Variants in POLR3H observed in about 807,000 individuals in gnomAD.
The protein encoded by POLR3H is RNA polymerase III subunit H, also known as DNA-directed RNA polymerase III subunit RPC8.
In POLR3H, 17 loss-of-function variants were observed where a neutral mutation model predicts 25.5. That is an observed-to-expected ratio of 0.67 (90% CI 0.46 to 1.00). The LOEUF (loss-of-function observed/expected upper bound fraction) is 1.00, where lower values mean the gene tolerates loss of function less well. Among genes scored for constraint, POLR3H ranks in the 50% least tolerant of loss-of-function variants. The pLI is 0.00. For synonymous variants in POLR3H, 129 were observed against 103.0 expected (o/e 1.25, Z -1.53); for missense variants, 274 against 265.0 (o/e 1.03, Z -0.24).
At position 41,528,953 on chromosome 22, in the gene POLR3H, G is replaced by A. The variant is rs1156802530; in HGVS notation, c.*330C>T. On this transcript the variant is annotated 3_prime_UTR_variant, in exon 6 of 6. Coordinates refer to ENST00000355209, the MANE Select transcript of POLR3H (RefSeq NM_001018050.4). ...TCTAGAGAACCTTTTGTTCTTGCAAGGAAAACAAGAATCCAAAACCAGTGA... is the reference window on the plus strand; with the variant it reads ...TCTAGAGAACCTTTTGTTCTTGCAAAGAAAACAAGAATCCAAAACCAGTGA... 7.8e-6 allele frequency: 4 copies of A among 513,034 alleles called. No homozygotes were observed. The highest frequency in any genetic ancestry group is 1.0e-5 in the Non-Finnish European group (3 of 290,600). 31.8% of individuals were successfully genotyped at this position (513,034 alleles called of 1,614,324 possible).
At chr22:41,537,905 C>A (rs1395903965) in intron 2 of POLR3H, among the ~76,000 whole-genome samples, 1 of 151,934 alleles carries the variant, frequency 6.6e-6, no homozygotes, top group African/African-American at 2.4e-5. Flanking sequence ...ATTCTCCTGC[C>A]TCCACCTCCA....
Position 41,532,664 on chromosome 22 carries a change from A to T in POLR3H, c.290T>A (p.Val97Glu), listed in dbSNP as rs2066761239. The T allele has an allele frequency of 6.2e-7, 1 of 1,613,712 alleles. No individual in the cohort carries two copies. The highest frequency in any genetic ancestry group is 1.1e-5 in the South Asian group (1 of 91,048). Residue 97 changes from valine to glutamate, a missense_variant, in exon 3 of 6, where the codon GTG becomes GAG. Physicochemically the swap from Val to Glu is moderately radical, Grantham distance 121. Transcript: ENST00000355209. ...GKIKGCSPEG[V>E]HVSLGFFDDI... ...GGCGTCAGGGCCACTGTTACCGTGCACTCCTTCTGGGCTGCAGCCTTTGAT... is the reference window on the plus strand; with the variant it reads ...GGCGTCAGGGCCACTGTTACCGTGCTCTCCTTCTGGGCTGCAGCCTTTGAT...
At position 41,526,778 on chromosome 22, in the gene POLR3H, C is replaced by T. The variant is rs1459202707; in HGVS notation, c.*2505G>A. 1.2e-5 allele frequency: 4 copies of T among 346,528 alleles called. No individual in the cohort carries two copies. Among genetic ancestry groups the T allele is most frequent in the Non-Finnish European group, 2.1e-5 (4 of 188,506 alleles). 21.5% of individuals were successfully genotyped at this position (346,528 alleles called of 1,614,324 possible). A position where few individuals can be genotyped will look rare whatever the true frequency, so the allele number is the denominator to read the frequency against. ...AGCTCAGAGAGGGGGCTACACGGGGCCTCACAGTGAGCAGGCAGAGAGGGT... is the reference window on the plus strand; with the variant it reads ...AGCTCAGAGAGGGGGCTACACGGGGTCTCACAGTGAGCAGGCAGAGAGGGT... On this transcript the variant is annotated 3_prime_UTR_variant, in exon 6 of 6. Transcript: ENST00000355209.
At chr22:41,535,883 T>C (rs1036691623) in intron 2 of POLR3H, among the ~76,000 whole-genome samples, 4 of 151,596 alleles carry the variant, frequency 2.6e-5, no homozygotes, top group East Asian at 3.9e-4. Context: ...TGAGGCAGAA[T>C]TGCTTGAACC....
In POLR3H at chr22:41,526,485, G is replaced by A; in HGVS notation, c.*2798C>T. 5 of 1,571,640 alleles carry A rather than the reference G, an allele frequency of 3.2e-6. No individual in the cohort carries two copies. Among genetic ancestry groups the A allele is most frequent in the Non-Finnish European group, 4.3e-6 (5 of 1,150,314 alleles). ...CAGAGTTGATAGGGGCAATGCCAGT[G>A]GTCACTCCTGAAGGGGCCTGCAAGG... is the stretch of plus-strand genomic sequence containing the variant. On this transcript the variant is annotated 3_prime_UTR_variant, in exon 6 of 6. Transcript: ENST00000355209.
Position 41,544,377 on chromosome 22 carries a change from GCCACTCCACGCCC to G in POLR3H, c.-289_-277del, listed in dbSNP as rs2066986969. The G allele has an allele frequency of 9.4e-6, 3 of 317,724 alleles. No homozygotes were observed. The highest frequency in any genetic ancestry group is 1.7e-5 in the Non-Finnish European group (3 of 176,432). 19.7% of individuals were successfully genotyped at this position (317,724 alleles called of 1,614,324 possible). ...GCCACGCCACGCCACTCCACGCCAC[GCCACTCCACGCCC>G]CGCACCCGCGCCACGTGCCGCCGCT... On this transcript the variant is annotated 5_prime_UTR_variant, in exon 1 of 6. Coordinates refer to ENST00000355209, the MANE Select transcript of POLR3H (RefSeq NM_001018050.4).
chr22:41,529,192 C>G lies in POLR3H; in HGVS notation c.*91G>C. On this transcript the variant is annotated 3_prime_UTR_variant, in exon 6 of 6. Coordinates refer to ENST00000355209, the MANE Select transcript of POLR3H (RefSeq NM_001018050.4). ...CTCACTGTCCAGCTCGAGACACTAT[C>G]TCCTTAGCATCGGCCTCAGCTGCTG... 8.6e-7 allele frequency: 1 copy of G among 1,161,056 alleles called. No individual in the cohort carries two copies. The highest frequency in any genetic ancestry group is 1.2e-6 in the Non-Finnish European group (1 of 807,656). 71.9% of individuals were successfully genotyped at this position (1,161,056 alleles called of 1,614,324 possible). A position where few individuals can be genotyped will look rare whatever the true frequency, so the allele number is the denominator to read the frequency against.
rs757531155 is a variant in POLR3H at position 41,530,768 on chromosome 22, C to T, written c.480G>A (p.Thr160=). ...FRVVDESFVD[T]SPTGPSSADA... ...CTGCTGAGCTGGGCCCTGTGGGGGA[C>T]GTGTCAACAAAGCTCTCGTCCACCA... Residue 160 remains threonine, a synonymous_variant, in exon 5 of 6, where the codon ACG becomes ACA. Coordinates refer to ENST00000355209, the MANE Select transcript of POLR3H (RefSeq NM_001018050.4). 15 of 1,613,958 alleles carry T rather than the reference C, an allele frequency of 9.3e-6. No homozygotes were observed. The highest frequency in any genetic ancestry group is 2.2e-5 in the East Asian group (1 of 44,906).
intron 3 of POLR3H, 67 bp downstream of exon 3, chr22:41,532,592 G>A (rs1261113485): frequency 6.2e-7 from 1 of 1,612,760 alleles, no homozygotes; most frequent in East Asian, 2.2e-5. Context: ...GACCATGTGG[G>A]TGGACACAGA....
chr22:41,531,024 C>T (rs1233594293), intron 4 of POLR3H, 136 bp from the exon 5 acceptor site: 4 of 818,452 alleles, frequency 4.9e-6, no homozygotes, highest in Admixed American at 2.3e-5. Context: ...AAAGCAGGTC[C>T]CAGCCCCATG....
chr22:41,537,768 G>C (rs1447623616), intron 2 of POLR3H, among the ~76,000 whole-genome samples: 3 of 152,090 alleles, frequency 2.0e-5, no homozygotes, highest in Non-Finnish European at 4.4e-5. Context: ...GCTAATAAAA[G>C]CCAGCAGTAG....
At chr22:41,533,183 G>C (rs1324515904) in intron 2 of POLR3H, among the ~76,000 whole-genome samples, 1 of 152,214 alleles carries the variant, frequency 6.6e-6, no homozygotes, top group Non-Finnish European at 1.5e-5. Flanking sequence ...GTGAGGCGCA[G>C]GCCAGCAGCC....
chr22:41,526,238 T>C lies in POLR3H; in HGVS notation c.*3045A>G, dbSNP rs1569023750. 1.2e-6 allele frequency: 2 copies of C among 1,604,528 alleles called. No individual in the cohort carries two copies. The highest frequency in any genetic ancestry group is 2.2e-5 in the East Asian group (1 of 44,768). On this transcript the variant is annotated 3_prime_UTR_variant, in exon 6 of 6. Transcript: ENST00000355209. ...CCCTCCAGGGCCATGCCCTGACCTC[T>C]GTCCTCTCTACTTACCACCCAAGGT...
intron 1 of POLR3H, among the ~76,000 whole-genome samples, chr22:41,543,546 G>A (rs1555894170): frequency 6.6e-6 from 1 of 152,056 alleles, no homozygotes; most frequent in Non-Finnish European, 1.5e-5. Flanking sequence ...GCTTGAACCC[G>A]GGAGGCGGAG....
In POLR3H at chr22:41,532,173, C is replaced by T. The variant is rs1252468091; in HGVS notation, c.296-16G>A. 6 of 1,613,284 alleles carry T rather than the reference C, an allele frequency of 3.7e-6. No individual in the cohort carries two copies. The highest frequency in any genetic ancestry group is 1.7e-5 in the Admixed American group (1 of 59,992). On this transcript the variant is annotated splice_polypyrimidine_tract_variant and intron_variant, in intron 3 of 5. Coordinates refer to ENST00000355209, the MANE Select transcript of POLR3H (RefSeq NM_001018050.4). ...CCTAGAGAGACTGGAAGGAAGGAAG[C>T]AGGTGACGGCCTGAGATGGGGGTCC... is the stretch of plus-strand genomic sequence containing the variant.
chr22:41,532,829 G>T, intron 2 of POLR3H, 84 bp from the exon 3 acceptor site: 2 of 1,465,890 alleles, frequency 1.4e-6, no homozygotes, highest in South Asian at 1.3e-5. Flanking sequence ...GCACACCTGG[G>T]GGCCTGTGTG....
chr22:41,529,467 C>G, intron 5 of POLR3H, 131 bp from the exon 6 acceptor site: 1 of 772,234 alleles, frequency 1.3e-6, no homozygotes, highest in Non-Finnish European at 2.2e-6. Flanking sequence ...CCAAGAGGCT[C>G]TGGAGAGATG....
Position 41,527,553 on chromosome 22 carries a change from C to T in POLR3H, c.*1730G>A. On this transcript the variant is annotated 3_prime_UTR_variant, in exon 6 of 6. Coordinates refer to ENST00000355209, the MANE Select transcript of POLR3H (RefSeq NM_001018050.4). ...AGCCCACAGGCCCGTCAGCCTCTTG[C>T]CCCTTCTTAGGCTCACACAGTGCAC... 3 of 1,281,298 alleles carry T rather than the reference C, an allele frequency of 2.3e-6. No homozygotes were observed. The highest frequency in any genetic ancestry group is 2.4e-5 in the Admixed American group (1 of 41,608). The allele number at this position is 1,281,298 out of a possible 1,614,324, so 79.4% of individuals were successfully genotyped here.
chr22:41,533,742 G>A, intron 2 of POLR3H: 2 of 1,299,222 alleles, frequency 1.5e-6, no homozygotes, highest in Non-Finnish European at 2.0e-6. Context: ...ACTGGGCCTT[G>A]TGCTGACCTC....
Sources: allele counts gnomAD v4.1 joint callset (sites outside exome capture counted in the v4.1 genomes callset), GRCh38; gene constraint gnomAD v4.1.1; transcripts MANE v1.5; gene names NCBI Gene and HGNC (gene_info 2026-07-23, HGNC 2026-07-21).